Variants in ROBO2 observed in about 807,000 individuals in gnomAD.
ROBO2 encodes roundabout guidance receptor 2, also known as roundabout homolog 2.
ROBO2 carries 53 observed loss-of-function variants against 160.8 expected under a neutral mutation model. That is an observed-to-expected ratio of 0.33 (90% CI 0.26 to 0.41). ROBO2 has a LOEUF of 0.41. ROBO2 is among the 10% of genes least tolerant of loss of function. The probability of loss-of-function intolerance (pLI) is 1.00; values close to 1 mark genes in which losing one functional copy is unlikely to be tolerated. For missense variants in ROBO2, 1,577 were observed against 1,722.4 expected (o/e 0.92, Z 1.49); for synonymous variants, 664 against 611.7 (o/e 1.09, Z -1.26).
At chr3:77,359,811 T>C (rs1051930533) in intron 2 of ROBO2, among the ~76,000 whole-genome samples, 1 of 152,024 alleles carries the variant, frequency 6.6e-6, no homozygotes, top group African/African-American at 2.4e-5. Flanking sequence ...CCCAAGTAGC[T>C]GGGACTGCAG....
intron 5 of ROBO2, among the ~76,000 whole-genome samples, chr3:77,507,177 A>G (rs1418871616): frequency 1.3e-5 from 2 of 152,178 alleles, no homozygotes; most frequent in Non-Finnish European, 2.9e-5. Context: ...AAGTGTTCCT[A>G]TGAGGTTGTA....
In ROBO2 at chr3:76,730,252, CCGCTTCTCCT is replaced by C. The variant is rs1560458959; in HGVS notation, c.110-367760_110-367751del. 2.7e-5 allele frequency among the ~76,000 whole-genome samples: 3 copies of C among 112,650 alleles called. No homozygotes were observed. The Admixed American group carries it at 2.7e-4, about 10-fold the overall frequency. The allele number at this position is 112,650 out of a possible 152,430, so 73.9% of individuals were successfully genotyped here. On this transcript the variant is annotated intron_variant, in intron 2 of 26. Transcript: ENST00000487694. ...CCTCTCCTCACCTCCTACTCCCTAC[CCGCTTCTCCT>C]CACCTCCTACTCCCTACCCGCTTGT...
At chr3:77,115,800 G>T (rs2074137587) in intron 2 of ROBO2, among the ~76,000 whole-genome samples, 1 of 152,178 alleles carries the variant, frequency 6.6e-6, no homozygotes, top group Non-Finnish European at 1.5e-5. Flanking sequence ...ATCAGTCCAA[G>T]ATAAAAATGG....
intron 2 of ROBO2, among the ~76,000 whole-genome samples, chr3:76,715,953 T>A (rs897992193): frequency 6.6e-6 from 1 of 152,178 alleles, no homozygotes; most frequent in Non-Finnish European, 1.5e-5. Context: ...AGATTTTAGG[T>A]TGGCTTTGGC....
rs148183615 is a variant in ROBO2 at position 76,203,467 on chromosome 3, G to A, written c.109+265865G>A. Among the ~76,000 whole-genome samples the A allele has an allele frequency of 3.7e-4, 48 of 129,842 alleles. 1 individual carries two copies. In the East Asian group the frequency reaches 7.2e-3, roughly 19 times the overall value. 85.2% of individuals were successfully genotyped at this position (129,842 alleles called of 152,430 possible). A position where few individuals can be genotyped will look rare whatever the true frequency, so the allele number is the denominator to read the frequency against. On this transcript the variant is annotated intron_variant, in intron 2 of 26. Transcript: ENST00000487694. ...CTCACCATGAGATTCTCAGGCTGTC[G>A]GTTTCCCTGGTCAACAGATCACAGG...
At chr3:77,360,335 G>C (rs1303366515) in intron 2 of ROBO2, among the ~76,000 whole-genome samples, 2 of 151,186 alleles carry the variant, frequency 1.3e-5, no homozygotes, top group Non-Finnish European at 2.9e-5. Context: ...GAAAGTTATT[G>C]TGTATAAATC....
At chr3:77,180,181 C>T (rs1351990419) in intron 2 of ROBO2, among the ~76,000 whole-genome samples, 1 of 151,680 alleles carries the variant, frequency 6.6e-6, no homozygotes, top group Admixed American at 6.6e-5. Context: ...TATATGGCAC[C>T]ACAAAGAGGA....
chr3:76,339,735 T>C (rs2074103600), intron 2 of ROBO2, among the ~76,000 whole-genome samples: 1 of 152,116 alleles, frequency 6.6e-6, no homozygotes, highest in South Asian at 2.1e-4. Context: ...CCACTTTGAA[T>C]ATGAGTTTGA....
At chr3:77,293,467 T>C (rs1253654553) in intron 2 of ROBO2, among the ~76,000 whole-genome samples, 1 of 144,646 alleles carries the variant, frequency 6.9e-6, no homozygotes, top group Non-Finnish European at 1.5e-5. Flanking sequence ...AAATTGACGG[T>C]TAAATGGGTA....
intron 2 of ROBO2, among the ~76,000 whole-genome samples, chr3:76,674,011 T>G (rs1464184013): frequency 1.3e-5 from 2 of 152,118 alleles, no homozygotes; most frequent in African/African-American, 4.8e-5. Flanking sequence ...TTTCATACAT[T>G]CAGAGTTGGA....
At chr3:76,195,106 G>T (rs541320378) in intron 2 of ROBO2, among the ~76,000 whole-genome samples, 7 of 152,174 alleles carry the variant, frequency 4.6e-5, no homozygotes, top group African/African-American at 1.4e-4. Flanking sequence ...ACAATAGTAG[G>T]ATTAATTAAA....
chr3:76,998,037 G>A (rs1181892470), intron 2 of ROBO2, among the ~76,000 whole-genome samples: 2 of 152,118 alleles, frequency 1.3e-5, no homozygotes, highest in African/African-American at 4.8e-5. Context: ...AACATCACTT[G>A]CACTGTATTC....
intron 2 of ROBO2, among the ~76,000 whole-genome samples, chr3:76,925,632 A>C (rs2076947007): frequency 6.6e-6 from 1 of 152,134 alleles, no homozygotes; most frequent in South Asian, 2.1e-4. Context: ...TTTCATATTC[A>C]CATATGCTCT....
In ROBO2 at chr3:77,365,365, A is replaced by G. The variant is rs182103184; in HGVS notation, c.389-112049A>G. 1.5e-3 allele frequency among the ~76,000 whole-genome samples: 227 copies of G among 152,188 alleles called. 3 individuals carry two copies. Among genetic ancestry groups the G allele is most frequent in the African/African-American group, 5.0e-3 (209 of 41,544 alleles). ...CTTCTCTCAAGCAGGAAACACCCTCAGAGGGGAGTTACTGACAGCTATTTT... is the reference window on the plus strand; with the variant it reads ...CTTCTCTCAAGCAGGAAACACCCTCGGAGGGGAGTTACTGACAGCTATTTT... On this transcript the variant is annotated intron_variant, in intron 2 of 25. Coordinates refer to ENST00000461745, the Ensembl canonical transcript of ROBO2.
intron 2 of ROBO2, among the ~76,000 whole-genome samples, chr3:76,059,220 G>A (rs1280378299): frequency 2.6e-5 from 4 of 151,204 alleles, no homozygotes; most frequent in Non-Finnish European, 4.4e-5. Context: ...CTGAGGAATC[G>A]CCACACTGAC....
At chr3:77,503,696 G>T (rs1197201095) in intron 5 of ROBO2, among the ~76,000 whole-genome samples, 1 of 151,816 alleles carries the variant, frequency 6.6e-6, no homozygotes, top group Non-Finnish European at 1.5e-5. Flanking sequence ...GAGTTAACAG[G>T]TAGGACTGAG....
At chr3:76,292,770 AT>A (rs1708867761) in intron 2 of ROBO2, among the ~76,000 whole-genome samples, 1 of 152,158 alleles carries the variant, frequency 6.6e-6, no homozygotes, top group Admixed American at 6.5e-5. Flanking sequence ...ATATTGTTCT[AT>A]TGTGTCTTTT....
chr3:77,512,155 A>C (rs1486561235), intron 5 of ROBO2, among the ~76,000 whole-genome samples: 1 of 152,014 alleles, frequency 6.6e-6, no homozygotes, highest in Non-Finnish European at 1.5e-5. Flanking sequence ...TAGACCTCAA[A>C]GGTGATTTAA....
rs186783881 is a variant in ROBO2 at position 77,593,245 on chromosome 3, C to T, written c.2684-1897C>T. ...AAAAAAAACACAAACTAGAAAGTCA[C>T]ATCAGATGGAAAGCTAATTAGCTAT... On this transcript the variant is annotated intron_variant, in intron 17 of 25. Coordinates refer to ENST00000461745, the Ensembl canonical transcript of ROBO2. Among the ~76,000 whole-genome samples, 777 of 151,232 alleles carry T rather than the reference C, an allele frequency of 5.1e-3. 8 individuals are homozygous for T. Among genetic ancestry groups the T allele is most frequent in the Non-Finnish European group, 8.0e-3 (544 of 67,850 alleles).
Sources: gnomAD v4.1 joint callset for allele counts (sites outside exome capture counted in the v4.1 genomes callset) on GRCh38, gnomAD v4.1.1 for gene constraint, MANE v1.5 for transcripts, NCBI Gene and HGNC (gene_info 2026-07-23, HGNC 2026-07-21) for gene names.